RTF2: variants seen among roughly 807,000 people sequenced by gnomAD.
RTF2 encodes UPF0549 protein C20orf43.
RTF2 carries 18 observed loss-of-function variants against 38.0 expected under a neutral mutation model. The observed-to-expected ratio is 0.47, with a 90% confidence interval of 0.33 to 0.70. The LOEUF is 0.70. Among genes scored for constraint, RTF2 ranks in the 30% least tolerant of loss-of-function variants. The pLI, the probability that RTF2 is intolerant of heterozygous loss-of-function variation, is 0.02. For missense variants in RTF2, 311 were observed against 379.6 expected (o/e 0.82, Z 1.50); for synonymous variants, 126 against 137.1 (o/e 0.92, Z 0.57).
chr20:56,503,838 T>G (rs758764471), intron 5 of RTF2, among the ~76,000 whole-genome samples: 33 of 152,102 alleles, frequency 2.2e-4, no homozygotes, highest in Non-Finnish European at 3.8e-4. Context: ...CATAGTGATG[T>G]GTGCCTGTAA....
chr20:56,514,484 G>A (rs371297215), intron 6 of RTF2, among the ~76,000 whole-genome samples: 2 of 152,044 alleles, frequency 1.3e-5, no homozygotes, highest in African/African-American at 2.4e-5. Context: ...GAAACAAATC[G>A]CCTGCCCTCG....
At chr20:56,500,105 A>C (rs1983831058) in intron 5 of RTF2, among the ~76,000 whole-genome samples, 1 of 151,374 alleles carries the variant, frequency 6.6e-6, no homozygotes, top group Non-Finnish European at 1.5e-5. Flanking sequence ...TCAAGGCTGG[A>C]GTGCAATGGC....
chr20:56,516,607 G>T, intron 6 of RTF2: 1 of 396,848 alleles, frequency 2.5e-6, no homozygotes, highest in South Asian at 3.5e-5. Context: ...GTATACAGTT[G>T]TCACCATCAA....
intron 4 of RTF2, 119 bp from the exon 5 acceptor site, chr20:56,483,992 T>A: frequency 1.4e-6 from 1 of 715,050 alleles, no homozygotes; most frequent in Non-Finnish European, 2.3e-6. Context: ...CTGATTTTTT[T>A]AATAGAGTAA....
intron 5 of RTF2, chr20:56,496,538 A>T (rs567791452): frequency 3.0e-6 from 4 of 1,312,488 alleles, no homozygotes; most frequent in Admixed American, 3.2e-5. Context: ...ACCGTGTGAG[A>T]CTCCGTCTCA....
intron 4 of RTF2, among the ~76,000 whole-genome samples, chr20:56,478,931 A>G (rs1051362426): frequency 4.6e-5 from 7 of 152,224 alleles, no homozygotes; most frequent in African/African-American, 1.7e-4. Flanking sequence ...AACAATATTC[A>G]CAGCATCTTC....
chr20:56,507,631 C>T (rs953203256), intron 5 of RTF2, among the ~76,000 whole-genome samples: 33 of 152,178 alleles, frequency 2.2e-4, no homozygotes, highest in Admixed American at 3.9e-4. Context: ...AAGGAGACCG[C>T]TTACCCCAAC....
chr20:56,515,006 C>T (rs1252854023), intron 6 of RTF2, among the ~76,000 whole-genome samples: 4 of 151,156 alleles, frequency 2.6e-5, no homozygotes, highest in African/African-American at 9.7e-5. Context: ...GAGATCGCAC[C>T]TCTGCACTCC....
At chr20:56,476,189 C>A (rs936165857) in intron 3 of RTF2, among the ~76,000 whole-genome samples, 5 of 152,196 alleles carry the variant, frequency 3.3e-5, no homozygotes, top group Non-Finnish European at 7.3e-5. Flanking sequence ...GGCTAATATT[C>A]TGCCTTAGCT....
intron 1 of RTF2, chr20:56,470,950 A>C: frequency 4.2e-6 from 1 of 236,192 alleles, no homozygotes; most frequent in South Asian, 5.2e-5. Context: ...TGGTAACTAA[A>C]CTCTTTCCCC....
intron 5 of RTF2, chr20:56,497,397 T>C: frequency 6.5e-7 from 1 of 1,549,736 alleles, no homozygotes; most frequent in Non-Finnish European, 8.7e-7. Context: ...ATGAGGGGTT[T>C]TGCAAAATTT....
chr20:56,491,868 G>C (rs1313008294), intron 5 of RTF2: 3 of 922,450 alleles, frequency 3.3e-6, no homozygotes, highest in Admixed American at 2.1e-5. Flanking sequence ...TGCTCCGTCC[G>C]GTGTCAGTGG....
intron 1 of RTF2, chr20:56,470,798 C>G (rs936721221): frequency 5.4e-5 from 21 of 391,312 alleles, no homozygotes; most frequent in Non-Finnish European, 1.0e-4. Context: ...TGGAGATTTT[C>G]TGGGTTGCCG....
intron 5 of RTF2, chr20:56,496,544 T>A: frequency 7.4e-7 from 1 of 1,348,420 alleles, no homozygotes; most frequent in Non-Finnish European, 9.8e-7. Context: ...TGAGACTCCG[T>A]CTCAAAATCA....
At chr20:56,471,425 G>T (rs557702293) in intron 1 of RTF2, among the ~76,000 whole-genome samples, 1 of 152,064 alleles carries the variant, frequency 6.6e-6, no homozygotes, top group Non-Finnish European at 1.5e-5. Flanking sequence ...AAAAGTTGCC[G>T]GGCATGGTGG....
In RTF2 at chr20:56,468,696, C is replaced by T. The variant is rs1478987274; in HGVS notation, c.-2C>T. ...GCTGCTGGCTCTGACTCCCGTCCTGCGATGGGTTGCGACGGGGGAACAATC... is the reference window on the plus strand; with the variant it reads ...GCTGCTGGCTCTGACTCCCGTCCTGTGATGGGTTGCGACGGGGGAACAATC... On this transcript the variant is annotated 5_prime_UTR_variant, in exon 1 of 9. Transcript: ENST00000357348. 3.8e-6 allele frequency: 6 copies of T among 1,577,668 alleles called. No homozygotes were observed. The East Asian group carries it at 1.2e-4, about 31-fold the overall frequency.
chr20:56,482,843 T>C (rs2146325784), intron 4 of RTF2, among the ~76,000 whole-genome samples: 1 of 152,242 alleles, frequency 6.6e-6, no homozygotes, highest in East Asian at 1.9e-4. Context: ...GTGGAGGCAT[T>C]ATTCGTTGTT....
At position 56,478,516 on chromosome 20, in the gene RTF2, ATAGTC is replaced by A. The variant is rs953808148; in HGVS notation, c.398+1399_398+1403del. ...CAAAAAAGAAAGTTATGTTTATACT[ATAGTC>A]TAGTCTTTTAAGTGTGCAATAGCAT... On this transcript the variant is annotated intron_variant, in intron 4 of 8. Transcript: ENST00000357348. Among the ~76,000 whole-genome samples, 9 of 152,320 alleles carry A rather than the reference ATAGTC, an allele frequency of 5.9e-5. No individual in the cohort carries two copies. In the South Asian group the frequency reaches 1.2e-3, roughly 21 times the overall value.
intron 4 of RTF2, among the ~76,000 whole-genome samples, chr20:56,483,873 TC>T (rs1373231905): frequency 6.6e-6 from 1 of 152,202 alleles, no homozygotes; most frequent in African/African-American, 2.4e-5. Flanking sequence ...CTCCCTGAGT[TC>T]CTGTTCTTTT....
Sources: allele counts gnomAD v4.1 joint callset (sites outside exome capture counted in the v4.1 genomes callset), GRCh38; gene constraint gnomAD v4.1.1; transcripts MANE v1.5; gene names NCBI Gene and HGNC (gene_info 2026-07-23, HGNC 2026-07-21).